CTNNA1: variants seen among roughly 807,000 people sequenced by gnomAD.
CTNNA1 encodes catenin alpha-1.
CTNNA1 carries 37 observed loss-of-function variants against 98.4 expected under a neutral mutation model. The observed-to-expected ratio is 0.38, with a 90% CI of 0.29 to 0.49. CTNNA1 has a LOEUF of 0.49. CTNNA1 is among the 20% of genes least tolerant of loss of function. The pLI is 0.95. For synonymous variants in CTNNA1, 404 were observed against 413.2 expected, an observed-to-expected ratio of 0.98 and a Z score of 0.27; for missense variants, 761 against 1,147.2, an observed-to-expected ratio of 0.66 and a Z score of 4.86.
At chr5:138,758,054 T>C (rs1428322711) in intron 1 of CTNNA1, among the ~76,000 whole-genome samples, 1 of 152,076 alleles carries the variant, frequency 6.6e-6, no homozygotes, top group Non-Finnish European at 1.5e-5. Flanking sequence ...TTGCCCAGGC[T>C]GGAGTGCAAT....
At chr5:138,895,185 G>T (rs545484233) in intron 9 of CTNNA1, among the ~76,000 whole-genome samples, 1 of 152,194 alleles carries the variant, frequency 6.6e-6, no homozygotes, top group Middle Eastern at 3.4e-3. Flanking sequence ...ATAAACATTA[G>T]AGTTGCCCAG....
In CTNNA1 at chr5:138,844,376, G is replaced by T. The variant is rs114249793; in HGVS notation, c.1062+16658G>T. 0.012 allele frequency among the ~76,000 whole-genome samples: 1,803 copies of T among 152,200 alleles called. 31 individuals are homozygous for T. Among genetic ancestry groups the T allele is most frequent in the Non-Finnish European group, 0.016 (1,084 of 68,000 alleles). ...AGCTGCTTGACTTTTATATAATTTA[G>T]TAGTGATGTTTACATTGTTCACTAG... is the stretch of plus-strand genomic sequence containing the variant. On this transcript the variant is annotated intron_variant, in intron 7 of 17. Coordinates refer to ENST00000302763, the MANE Select transcript of CTNNA1 (RefSeq NM_001903.5).
At position 138,824,502 on chromosome 5, in the gene CTNNA1, C is replaced by A. The variant is rs1392749570; in HGVS notation, c.589-28C>A. ...AGTAAAGCCCATATAAAGAGTGCTC[C>A]AATTTCTTGTTTTATTTACTCTTGT... is the stretch of plus-strand genomic sequence containing the variant. On this transcript the variant is annotated intron_variant, in intron 5 of 17. Transcript: ENST00000302763. The A allele has an allele frequency of 1.2e-5, 20 of 1,605,242 alleles. No individual in the cohort carries two copies. In the Admixed American group the frequency reaches 3.2e-4, roughly 26 times the overall value.
At chr5:138,778,250 T>C (rs1754631017) in intron 1 of CTNNA1, among the ~76,000 whole-genome samples, 1 of 152,232 alleles carries the variant, frequency 6.6e-6, no homozygotes, top group South Asian at 2.1e-4. Context: ...CGCCTTGGCC[T>C]CCCAAAGTGC....
chr5:138,916,358 G>A (rs541118786), intron 10 of CTNNA1, among the ~76,000 whole-genome samples: 16 of 151,376 alleles, frequency 1.1e-4, no homozygotes, highest in Non-Finnish European at 2.1e-4. Context: ...GTGAATTGTA[G>A]ATAGGTGAAT....
chr5:138,851,220 G>T (rs1223137632), intron 7 of CTNNA1, among the ~76,000 whole-genome samples: 1 of 152,120 alleles, frequency 6.6e-6, no homozygotes, highest in Admixed American at 6.5e-5. Flanking sequence ...TTTCATTGTT[G>T]GGCTCTTATC....
chr5:138,787,603 T>C (rs1397094859), intron 3 of CTNNA1, among the ~76,000 whole-genome samples: 1 of 152,212 alleles, frequency 6.6e-6, no homozygotes, highest in Non-Finnish European at 1.5e-5. Context: ...GTTAAAGATA[T>C]GAGCTTACTG....
intron 10 of CTNNA1, among the ~76,000 whole-genome samples, chr5:138,905,348 CACAGTCTCCTTGAGGGAGAGTCT>C (rs1424319222): frequency 6.6e-6 from 1 of 151,848 alleles, no homozygotes. Context: ...TGGCAGTGAC[CACAGTCTCCTTGAGGGAGAGTCT>C]ACACCCTCCT....
chr5:138,901,637 C>T (rs1758063593), intron 9 of CTNNA1, among the ~76,000 whole-genome samples: 1 of 152,172 alleles, frequency 6.6e-6, no homozygotes. Context: ...CTATGTAGCC[C>T]AGGCTGGTCA....
chr5:138,843,094 G>A (rs1341557598), intron 7 of CTNNA1, among the ~76,000 whole-genome samples: 1 of 152,178 alleles, frequency 6.6e-6, no homozygotes, highest in African/African-American at 2.4e-5. Flanking sequence ...GATTTGAACA[G>A]ATATGAAAGT....
At chr5:138,781,092 G>A (rs1169097740) in intron 1 of CTNNA1, among the ~76,000 whole-genome samples, 2 of 152,136 alleles carry the variant, frequency 1.3e-5, no homozygotes, top group African/African-American at 4.8e-5. Context: ...GGTGCAGAGG[G>A]CAGCTGATTT....
At chr5:138,859,960 C>T (rs1328715885) in intron 7 of CTNNA1, among the ~76,000 whole-genome samples, 2 of 152,122 alleles carry the variant, frequency 1.3e-5, no homozygotes, top group African/African-American at 4.8e-5. Context: ...ATCTAATCCC[C>T]AGACTCCCTT....
At chr5:138,753,604 C>G (rs913991221) in intron 1 of CTNNA1, 94 bp downstream of exon 1, 6 of 332,492 alleles carry the variant, frequency 1.8e-5, no homozygotes. Flanking sequence ...CCCCGCGAGC[C>G]GCGGGCGGGC....
intron 5 of CTNNA1, among the ~76,000 whole-genome samples, chr5:138,819,262 A>G (rs1000722094): frequency 6.6e-6 from 1 of 152,156 alleles, no homozygotes; most frequent in African/African-American, 2.4e-5. Flanking sequence ...CAGGTGCAAC[A>G]GCAGCACATA....
chr5:138,865,989 C>T (rs940532482), intron 7 of CTNNA1, among the ~76,000 whole-genome samples: 1 of 152,086 alleles, frequency 6.6e-6, no homozygotes, highest in African/African-American at 2.4e-5. Flanking sequence ...TTGGCCCTCA[C>T]GATGATGAAA....
At chr5:138,808,093 G>T (rs73269605) in intron 3 of CTNNA1, among the ~76,000 whole-genome samples, 1,845 of 152,198 alleles carry the variant, frequency 0.012, 41 homozygotes, top group African/African-American at 0.037. Context: ...ATCTCTTTCT[G>T]CATGGCTTTT....
intron 1 of CTNNA1, among the ~76,000 whole-genome samples, chr5:138,774,900 C>T (rs928284185): frequency 1.3e-5 from 2 of 152,066 alleles, no homozygotes; most frequent in African/African-American, 4.8e-5. Flanking sequence ...TGAGCCACCG[C>T]GCCCGTCCTG....
rs769057471 is a variant in CTNNA1, at chr5:138,917,907, C to G, written c.1546+9C>G. ...CTTCTTGGCTGTCTCAGGTAATGAG[C>G]TGGTTCCCCAGAGAAGTATGTGAAG... On this transcript the variant is annotated intron_variant, in intron 11 of 17. Coordinates refer to ENST00000302763, the MANE Select transcript of CTNNA1 (RefSeq NM_001903.5). 1 of 1,613,168 alleles carries G rather than the reference C, an allele frequency of 6.2e-7. No homozygotes were observed. The highest frequency in any genetic ancestry group is 1.7e-5 in the Admixed American group (1 of 59,980).
intron 1 of CTNNA1, among the ~76,000 whole-genome samples, chr5:138,778,230 G>A (rs1423993925): frequency 1.3e-5 from 2 of 151,928 alleles, no homozygotes; most frequent in African/African-American, 4.8e-5. Context: ...TCCTGAACTC[G>A]TGATCCACCC....
Sources: gnomAD v4.1 joint callset for allele counts (sites outside exome capture counted in the v4.1 genomes callset) on GRCh38, gnomAD v4.1.1 for gene constraint, MANE v1.5 for transcripts, NCBI Gene and HGNC (gene_info 2026-07-23, HGNC 2026-07-21) for gene names.